FAM135B: variants seen among roughly 807,000 people sequenced by gnomAD.
The protein encoded by FAM135B is family with sequence similarity 135 member B, also known as protein FAM135B.
A neutral mutation model predicts 127.7 loss-of-function variants in FAM135B; 43 were observed. The observed-to-expected ratio is 0.34, with a 90% CI of 0.26 to 0.43. The LOEUF (loss-of-function observed/expected upper bound fraction) is 0.43. Ranked by LOEUF, FAM135B falls within the 20% of genes least tolerant of loss-of-function variation. FAM135B has a pLI of 1.00. For synonymous variants in FAM135B, 670 were observed against 665.1 expected, an observed-to-expected ratio of 1.01 and a Z score of -0.11; for missense variants, 1,558 against 1,725.6, an observed-to-expected ratio of 0.90 and a Z score of 1.72.
chr8:138,373,199 G>A (rs954026453), intron 1 of FAM135B, among the ~76,000 whole-genome samples: 11 of 152,076 alleles, frequency 7.2e-5, no homozygotes, highest in Non-Finnish European at 1.6e-4. Flanking sequence ...GGGAAGTCAG[G>A]GACCCCAAAT....
chr8:138,463,436 T>C (rs1388055538), intron 1 of FAM135B, among the ~76,000 whole-genome samples: 1 of 152,002 alleles, frequency 6.6e-6, no homozygotes, highest in Non-Finnish European at 1.5e-5. Flanking sequence ...GGCCTCCAGA[T>C]AGAGCAAAGT....
At chr8:138,446,666 A>G (rs540259694) in intron 1 of FAM135B, among the ~76,000 whole-genome samples, 134 of 152,250 alleles carry the variant, frequency 8.8e-4, no homozygotes, top group Non-Finnish European at 1.5e-3. Context: ...AAGATGGATT[A>G]AAGACTTACA....
intron 4 of FAM135B, 76 bp downstream of exon 4, chr8:138,265,627 C>G (rs2130626151): frequency 6.5e-6 from 10 of 1,535,844 alleles, no homozygotes; most frequent in Non-Finnish European, 8.9e-6. Flanking sequence ...CTTCTTTCAA[C>G]ATTTACCTAG....
At chr8:138,134,688 GA>G (rs945730151) in intron 19 of FAM135B, among the ~76,000 whole-genome samples, 25 of 146,702 alleles carry the variant, frequency 1.7e-4, no homozygotes, top group Middle Eastern at 3.5e-3. Context: ...ACTTCTTCCA[GA>G]AAAAAAAAAG....
chr8:138,206,103 GCA>G (rs1817533710), intron 7 of FAM135B, among the ~76,000 whole-genome samples: 1 of 97,540 alleles, frequency 1.0e-5, no homozygotes, highest in Non-Finnish European at 2.1e-5. Context: ...CAGGGCTCCA[GCA>G]TCACCTCCAC....
rs1432158958 is a variant in FAM135B, at chr8:138,141,318, T to C, written c.3670A>G (p.Ile1224Val). The C allele has an allele frequency of 6.2e-7, 1 of 1,614,022 alleles. No homozygotes were observed. Among genetic ancestry groups the C allele is most frequent in the East Asian group, 2.2e-5 (1 of 44,870 alleles). The change falls in exon 17 of 20, where the codon ATC becomes GTC. Residue 1224 changes from isoleucine (I) to valine (V), a missense_variant. Physicochemically the swap from Ile to Val is conservative, Grantham distance 29. Around this residue, in one of 5 missense-constraint regions of FAM135B, gnomAD observed 194 missense variants for 333.8 expected, o/e 0.58. Coordinates refer to ENST00000395297, the MANE Select transcript of FAM135B (RefSeq NM_015912.4). The surrounding 1 kb of genome is among the most constrained non-coding windows in gnomAD (Gnocchi z 4.7). Reference protein sequence around the residue: ...FIGHSLGNIIIRSVLTRPRFR... With the variant: ...FIGHSLGNIIVRSVLTRPRFR... Reference sequence around the variant, plus strand: ...CGGGGCCGTGTGAGGACCGATCGGATGATGATGTTGCCAAGAGAATGGCCA... The same window carrying C: ...CGGGGCCGTGTGAGGACCGATCGGACGATGATGTTGCCAAGAGAATGGCCA...
At chr8:138,445,910 A>T (rs565221689) in intron 1 of FAM135B, among the ~76,000 whole-genome samples, 110 of 152,262 alleles carry the variant, frequency 7.2e-4, no homozygotes, top group African/African-American at 2.6e-3. Context: ...AAACCCCATC[A>T]TCTCAGCCCA....
At chr8:138,251,804 A>T (rs976269578) in intron 5 of FAM135B, among the ~76,000 whole-genome samples, 1 of 152,210 alleles carries the variant, frequency 6.6e-6, no homozygotes, top group Non-Finnish European at 1.5e-5. Context: ...AATCCTGAGA[A>T]CCAGTCATTT....
chr8:138,468,416 G>A (rs1048682664), intron 1 of FAM135B, among the ~76,000 whole-genome samples: 8 of 152,236 alleles, frequency 5.3e-5, no homozygotes, highest in East Asian at 3.9e-4. Context: ...TCACTAATAC[G>A]AAACTTTCAA....
chr8:138,197,283 G>A (rs986860181), intron 8 of FAM135B, among the ~76,000 whole-genome samples: 3 of 152,166 alleles, frequency 2.0e-5, no homozygotes, highest in African/African-American at 7.2e-5. Context: ...TAGATGTCTG[G>A]CAGATGAATG....
At chr8:138,344,437 C>A (rs1363097600) in intron 2 of FAM135B, among the ~76,000 whole-genome samples, 4 of 152,116 alleles carry the variant, frequency 2.6e-5, no homozygotes, top group Non-Finnish European at 5.9e-5. Flanking sequence ...GACTGCCCTT[C>A]CTTTGGCCTT....
intron 3 of FAM135B, among the ~76,000 whole-genome samples, chr8:138,282,279 T>C (rs1824323853): frequency 6.6e-6 from 1 of 152,206 alleles, no homozygotes; most frequent in African/African-American, 2.4e-5. Context: ...GAGTTTTTAG[T>C]TATGACACCT....
chr8:138,267,212 C>T (rs1418015927), intron 3 of FAM135B, among the ~76,000 whole-genome samples: 2 of 152,144 alleles, frequency 1.3e-5, no homozygotes, highest in African/African-American at 2.4e-5. Context: ...TTCCCCTCAC[C>T]TTTCCCACCA....
At chr8:138,416,628 C>G (rs529350589) in intron 1 of FAM135B, among the ~76,000 whole-genome samples, 1 of 152,164 alleles carries the variant, frequency 6.6e-6, no homozygotes, top group South Asian at 2.1e-4. Context: ...CTTCTAAGCA[C>G]TGGAGATACT....
chr8:138,192,938 G>A (rs1015397875), intron 9 of FAM135B, among the ~76,000 whole-genome samples: 2 of 152,100 alleles, frequency 1.3e-5, no homozygotes, highest in South Asian at 2.1e-4. Context: ...TAAGAACATC[G>A]AGGTTCATAA....
intron 7 of FAM135B, among the ~76,000 whole-genome samples, chr8:138,229,640 A>G (rs1340852705): frequency 1.3e-5 from 2 of 152,124 alleles, no homozygotes; most frequent in African/African-American, 4.8e-5. Flanking sequence ...CACCTTTAAC[A>G]CACACCTTCT....
At chr8:138,377,144 C>T (rs559381590) in intron 1 of FAM135B, among the ~76,000 whole-genome samples, 43 of 152,174 alleles carry the variant, frequency 2.8e-4, no homozygotes, top group African/African-American at 8.9e-4. Context: ...TTCTTTAAAA[C>T]GTGAATCTTC....
chr8:138,314,791 A>T (rs956847865), intron 2 of FAM135B, among the ~76,000 whole-genome samples: 10 of 151,148 alleles, frequency 6.6e-5, no homozygotes, highest in African/African-American at 2.4e-4. Flanking sequence ...GAGGTGGGAA[A>T]ATCACTTGAG....
chr8:138,418,125 G>A (rs1280448274), intron 1 of FAM135B, among the ~76,000 whole-genome samples: 4 of 152,114 alleles, frequency 2.6e-5, no homozygotes, highest in Admixed American at 2.6e-4. Context: ...TCCTAGAGCT[G>A]AAAAACTCAC....
Sources: allele counts gnomAD v4.1 joint callset (sites outside exome capture counted in the v4.1 genomes callset), GRCh38; gene constraint gnomAD v4.1.1; regional missense constraint gnomAD v4.1.1; non-coding constraint Gnocchi (gnomAD v3.1); transcripts MANE v1.5; gene names NCBI Gene and HGNC (gene_info 2026-07-23, HGNC 2026-07-21).